The following CAMK2A variants were observed in gnomAD, a reference collection of about 807,000 sequenced individuals.
CAMK2A encodes calcium/calmodulin dependent protein kinase II alpha.
In CAMK2A, 7 loss-of-function variants were observed where a neutral mutation model predicts 79.2. The observed-to-expected ratio is 0.09, with a 90% confidence interval of 0.05 to 0.17. CAMK2A has a LOEUF of 0.17. Ranked by LOEUF, CAMK2A falls within the 10% of genes least tolerant of loss-of-function variation. The pLI is 1.00. For synonymous variants in CAMK2A, 242 were observed against 251.7 expected (o/e 0.96, Z 0.36); for missense variants, 214 against 646.4 (o/e 0.33, Z 7.25).
chr5:150,256,536 C>A lies in CAMK2A; in HGVS notation c.411+37G>T, dbSNP rs767695606. Reference sequence around the variant, plus strand: ...TAGGGACGTGCAGAGGAGAGAGGGGCTCCCGGGGTGAGCCACACCCACGGT... The same window carrying A: ...TAGGGACGTGCAGAGGAGAGAGGGGATCCCGGGGTGAGCCACACCCACGGT... On this transcript the variant is annotated intron_variant, in intron 6 of 18. Coordinates refer to ENST00000671881, the MANE Select transcript of CAMK2A (RefSeq NM_015981.4). The surrounding 1 kb of genome is among the most constrained non-coding windows in gnomAD (Gnocchi z 4.6). 3.3e-6 allele frequency: 5 copies of A among 1,494,822 alleles called. No homozygotes were observed. The African/African-American group carries it at 4.1e-5, about 12-fold the overall frequency. 92.6% of individuals were successfully genotyped at this position (1,494,822 alleles called of 1,614,324 possible). A position where few individuals can be genotyped will look rare whatever the true frequency, so the allele number is the denominator to read the frequency against.
At chr5:150,283,467 G>C (rs1002672650) in intron 1 of CAMK2A, among the ~76,000 whole-genome samples, 1 of 151,964 alleles carries the variant, frequency 6.6e-6, no homozygotes, top group African/African-American at 2.4e-5. Flanking sequence ...CTCAGACTCC[G>C]GGGCTCAAGC....
intron 2 of CAMK2A, among the ~76,000 whole-genome samples, chr5:150,270,761 T>A (rs1476608603): frequency 6.6e-6 from 1 of 152,188 alleles, no homozygotes; most frequent in East Asian, 1.9e-4. Flanking sequence ...CCGGGCCACC[T>A]TCCTTCCAAG....
chr5:150,242,159 C>T (rs935652082), intron 13 of CAMK2A, among the ~76,000 whole-genome samples: 10 of 152,140 alleles, frequency 6.6e-5, no homozygotes, highest in African/African-American at 2.4e-4. Flanking sequence ...GGGAGGGGGA[C>T]GTTGCTTCTT....
At chr5:150,260,903 G>A (rs1756279641) in intron 3 of CAMK2A, among the ~76,000 whole-genome samples, 1 of 152,126 alleles carries the variant, frequency 6.6e-6, no homozygotes, top group South Asian at 2.1e-4. Context: ...TATTCTTTCT[G>A]GTGGGCCATC....
chr5:150,264,127 G>A (rs980625531), intron 3 of CAMK2A, among the ~76,000 whole-genome samples: 3 of 152,146 alleles, frequency 2.0e-5, no homozygotes, highest in African/African-American at 7.2e-5. Context: ...CAGCAGGCTT[G>A]GCATCAACTC....
rs562921794 is a variant in CAMK2A, at chr5:150,288,167, G to T, written c.62+1397C>A. Among the ~76,000 whole-genome samples the T allele has an allele frequency of 6.4e-4, 98 of 152,094 alleles. 2 individuals carry two copies. Among genetic ancestry groups the T allele is most frequent in the African/African-American group, 2.3e-3 (95 of 41,466 alleles). ...TGTGCATGACCCCAGTCTTCACGTAGATGTGCATATCAAGACCTCACAGGA... is the reference window on the plus strand; with the variant it reads ...TGTGCATGACCCCAGTCTTCACGTATATGTGCATATCAAGACCTCACAGGA... On this transcript the variant is annotated intron_variant, in intron 1 of 18. Transcript: ENST00000671881.
At chr5:150,286,317 C>T (rs946538950) in intron 1 of CAMK2A, among the ~76,000 whole-genome samples, 1 of 152,198 alleles carries the variant, frequency 6.6e-6, no homozygotes, top group African/African-American at 2.4e-5. Context: ...CATCAAGAGG[C>T]TCCAGTAGCC....
Position 150,219,573 on chromosome 5 carries a change from C to G in CAMK2A, c.*3137G>C, listed in dbSNP as rs6882312. 47 of 139,578 alleles carry G rather than the reference C, an allele frequency of 3.4e-4. No homozygotes were observed. The highest frequency in any genetic ancestry group is 1.0e-3 in the African/African-American group (39 of 38,220). 8.6% of individuals were successfully genotyped at this position (139,578 alleles called of 1,614,324 possible). A position where few individuals can be genotyped will look rare whatever the true frequency, so the allele number is the denominator to read the frequency against. On this transcript the variant is annotated 3_prime_UTR_variant, in exon 19 of 19. Transcript: ENST00000671881. ...CCCTTCTTCCCATCCCACCCGCCCCCCCCAATAGCAGAAAGTTTGAGCAGT... is the reference window on the plus strand; with the variant it reads ...CCCTTCTTCCCATCCCACCCGCCCCGCCCAATAGCAGAAAGTTTGAGCAGT...
intron 17 of CAMK2A, among the ~76,000 whole-genome samples, chr5:150,224,116 C>T (rs1021089595): frequency 1.3e-5 from 2 of 152,108 alleles, no homozygotes; most frequent in Non-Finnish European, 2.9e-5. Flanking sequence ...TGACAAAGTC[C>T]CTGACACCAG....
At chr5:150,226,688 G>A (rs1365905646) in intron 17 of CAMK2A, among the ~76,000 whole-genome samples, 11 of 113,966 alleles carry the variant, frequency 9.7e-5, no homozygotes, top group Admixed American at 2.3e-4. Context: ...AGTGAGCCAA[G>A]ATCGTGCCAC....
chr5:150,236,611 C>T (rs1365259021), intron 15 of CAMK2A, among the ~76,000 whole-genome samples: 1 of 152,196 alleles, frequency 6.6e-6, no homozygotes, highest in African/African-American at 2.4e-5. Context: ...CTCCACGGTC[C>T]CTGCCTGTTC....
At chr5:150,287,934 CCT>C (rs1271960676) in intron 1 of CAMK2A, among the ~76,000 whole-genome samples, 1 of 113,014 alleles carries the variant, frequency 8.8e-6, no homozygotes, top group Non-Finnish European at 1.8e-5. Context: ...TGTAGGATAG[CCT>C]CTGTGTGTGT....
chr5:150,283,184 G>A (rs562511227), intron 1 of CAMK2A, among the ~76,000 whole-genome samples: 1 of 152,152 alleles, frequency 6.6e-6, no homozygotes, highest in Non-Finnish European at 1.5e-5. Flanking sequence ...TAATAGTCCT[G>A]CTAGGACCCA....
rs562241640 is a variant in CAMK2A, at chr5:150,225,686, T to A, written c.1238-2469A>T. Reference sequence around the variant, plus strand: ...CATGATCAGTGAGGGAGCTCCAGGGTGATAGGGACATATGGGGTCCAGCTA... The same window carrying A: ...CATGATCAGTGAGGGAGCTCCAGGGAGATAGGGACATATGGGGTCCAGCTA... On this transcript the variant is annotated intron_variant, in intron 17 of 18. Coordinates refer to ENST00000671881, the MANE Select transcript of CAMK2A (RefSeq NM_015981.4). Among the ~76,000 whole-genome samples, 23 of 152,204 alleles carry A rather than the reference T, an allele frequency of 1.5e-4. No individual in the cohort carries two copies. The South Asian group carries it at 4.4e-3, about 29-fold the overall frequency.
chr5:150,263,108 A>G (rs138261539), intron 3 of CAMK2A, among the ~76,000 whole-genome samples: 1 of 152,248 alleles, frequency 6.6e-6, no homozygotes, highest in Non-Finnish European at 1.5e-5. Context: ...CCTATGAGCT[A>G]GTTATCATTT....
intron 1 of CAMK2A, among the ~76,000 whole-genome samples, chr5:150,281,270 A>G (rs1757203328): frequency 6.6e-6 from 1 of 152,242 alleles, no homozygotes; most frequent in African/African-American, 2.4e-5. Context: ...TTCCTGGTCA[A>G]ATGCAGATAG....
At chr5:150,234,506 A>G (rs756825193) in intron 15 of CAMK2A, among the ~76,000 whole-genome samples, 3 of 152,328 alleles carry the variant, frequency 2.0e-5, no homozygotes, top group Middle Eastern at 3.4e-3. Flanking sequence ...GAATATGTCA[A>G]TAGAAATAGC....
intron 12 of CAMK2A, 176 bp from the exon 13 acceptor site, chr5:150,245,377 C>T: frequency 8.4e-6 from 5 of 593,696 alleles, no homozygotes; most frequent in African/African-American, 2.1e-5. Flanking sequence ...CTCCTCCTCC[C>T]TCCTTGGAGG....
In CAMK2A at chr5:150,289,268, G is replaced by A. The variant is rs1278228952; in HGVS notation, c.62+296C>T. On this transcript the variant is annotated intron_variant, in intron 1 of 18. Transcript: ENST00000671881. ...GTCTCTAAGAATCTGTGTGTATCCA[G>A]GTTGTGTGTACTTGTGTGCATTTTG... 3.3e-5 allele frequency among the ~76,000 whole-genome samples: 5 copies of A among 152,320 alleles called. No homozygotes were observed. The East Asian group carries it at 9.7e-4, about 29-fold the overall frequency.
Sources: gnomAD v4.1 joint callset for allele counts (sites outside exome capture counted in the v4.1 genomes callset) on GRCh38, gnomAD v4.1.1 for gene constraint, Gnocchi (gnomAD v3.1) non-coding constraint, MANE v1.5 for transcripts, NCBI Gene and HGNC (gene_info 2026-07-23, HGNC 2026-07-21) for gene names.